The following STATH variants were observed in gnomAD, a reference collection of about 807,000 sequenced individuals.
STATH encodes the protein statherin.
A neutral mutation model predicts 13.3 loss-of-function variants in STATH; 11 were observed. The ratio of observed to expected loss-of-function variants is 0.83; its 90% CI spans 0.52 to 1.37. STATH has a LOEUF of 1.37. Among genes scored for constraint, STATH ranks in the 40% most tolerant of loss-of-function variants. The pLI, the probability that STATH is intolerant of heterozygous loss-of-function variation, is 0.00. For missense variants in STATH, 78 were observed against 73.3 expected, an observed-to-expected ratio of 1.06 and a Z score of -0.24; for synonymous variants, 25 against 23.6, an observed-to-expected ratio of 1.06 and a Z score of -0.17.
intron 1 of STATH, among the ~76,000 whole-genome samples, chr4:69,997,538 GTCTT>G (rs1364490432): frequency 6.6e-6 from 1 of 152,042 alleles, no homozygotes; most frequent in African/African-American, 2.4e-5. Flanking sequence ...CACTGAAAAT[GTCTT>G]TATTTAGATG....
Position 70,002,553 on chromosome 4 carries a change from T to C in STATH, c.*398T>C, listed in dbSNP as rs1724697385. On this transcript the variant is annotated 3_prime_UTR_variant, in exon 6 of 6. Coordinates refer to ENST00000246895, the MANE Select transcript of STATH (RefSeq NM_003154.3). ...GACTAGCACAGATTGAAGCCCATAA[T>C]GTCAGAGGTCCTTATTTATAATTTA... 6.6e-6 allele frequency: 1 copy of C among 151,738 alleles called. No individual in the cohort carries two copies. The highest frequency in any genetic ancestry group is 1.5e-5 in the Non-Finnish European group (1 of 67,760). The allele number at this position is 151,738 out of a possible 1,614,324, so 9.4% of individuals were successfully genotyped here. A position where few individuals can be genotyped will look rare whatever the true frequency, so the allele number is the denominator to read the frequency against.
chr4:70,000,786 C>A, intron 4 of STATH, 77 bp from the exon 5 acceptor site: 1 of 1,066,288 alleles, frequency 9.4e-7, no homozygotes, highest in Non-Finnish European at 1.4e-6. Context: ...CTTTAACAAT[C>A]TAAGCTTCTA....
rs1455354759 is a variant in STATH, at chr4:70,002,483, A to G, written c.*328A>G. 6.6e-6 allele frequency: 1 copy of G among 151,664 alleles called. No homozygotes were observed. The highest frequency in any genetic ancestry group is 1.5e-5 in the Non-Finnish European group (1 of 67,778). 9.4% of individuals were successfully genotyped at this position (151,664 alleles called of 1,614,324 possible). The stretch of plus-strand genomic sequence containing the variant: ...TATGCTCCTTATTTTTCTCTTTTCT[A>G]TTTATAGGAATAATGATTTCTTTCA... On this transcript the variant is annotated 3_prime_UTR_variant, in exon 6 of 6. Transcript: ENST00000246895.
intron 4 of STATH, 95 bp downstream of exon 4, chr4:69,999,904 G>A (rs17698678): frequency 0.27 from 374,628 of 1,410,272 alleles, 53,511 homozygotes; most frequent in South Asian, 0.35. Flanking sequence ...TCTCAAATAT[G>A]TGTAGTAGTT....
intron 1 of STATH, 84 bp downstream of exon 1, chr4:69,996,109 T>C (rs545175423): frequency 1.3e-5 from 2 of 152,298 alleles, no homozygotes; most frequent in Non-Finnish European, 2.9e-5. Context: ...ATTATAAAAA[T>C]GTGTATTTAT....
chr4:69,997,442 A>G (rs1384515814), intron 1 of STATH, among the ~76,000 whole-genome samples: 2 of 152,122 alleles, frequency 1.3e-5, no homozygotes, highest in Non-Finnish European at 2.9e-5. Flanking sequence ...AATGAAGACC[A>G]TTACCTTTAT....
At chr4:70,001,012 C>A in intron 5 of STATH, 30 bp downstream of exon 5, 1 of 1,458,046 alleles carries the variant, frequency 6.9e-7, no homozygotes, top group Non-Finnish European at 9.6e-7. Context: ...ATTTTTTTTA[C>A]TTTCTGTATC....
chr4:69,999,287 G>A (rs1578160851), intron 2 of STATH: 1 of 177,474 alleles, frequency 5.6e-6, no homozygotes, highest in Non-Finnish European at 1.2e-5. Flanking sequence ...AAGGAAAACA[G>A]AGAAAAACAT....
intron 1 of STATH, among the ~76,000 whole-genome samples, chr4:69,996,350 C>T (rs939728229): frequency 1.3e-5 from 2 of 152,136 alleles, no homozygotes. Context: ...ACTACTTTTA[C>T]CTTTATTCGA....
intron 1 of STATH, among the ~76,000 whole-genome samples, chr4:69,996,521 C>A (rs1724508102): frequency 6.6e-6 from 1 of 151,996 alleles, no homozygotes; most frequent in Non-Finnish European, 1.5e-5. Flanking sequence ...TGTCATTCTG[C>A]ATAATAAAAA....
In STATH at chr4:69,999,668, G is replaced by C; in HGVS notation, c.53G>C (p.Gly18Ala). 6.2e-7 allele frequency: 1 copy of C among 1,610,480 alleles called. No homozygotes were observed. The highest frequency in any genetic ancestry group is 8.5e-7 in the Non-Finnish European group (1 of 1,178,530). Residue 18 changes from glycine (G) to alanine (A), a missense_variant and splice_region_variant, in exon 3 of 6, where the codon GGA becomes GCA. Gly to Ala is a moderately conservative substitution (Grantham distance 60). Transcript: ENST00000246895. ...FILALMVSMI[G>A]ADSSEEKFLR... ...TTGTCTAATTTTCTGTTTTCTAAGGGAGCTGATTCATCTGAAGAGGTGAGT... is the reference window on the plus strand; with the variant it reads ...TTGTCTAATTTTCTGTTTTCTAAGGCAGCTGATTCATCTGAAGAGGTGAGT...
At chr4:70,001,679 A>G in intron 5 of STATH, among the ~76,000 whole-genome samples, 1 of 151,858 alleles carries the variant, frequency 6.6e-6, no homozygotes, top group East Asian at 1.9e-4. Flanking sequence ...ATTTCAAAAC[A>G]AAATAGAGCA....
At chr4:70,000,336 C>T (rs534991414) in intron 4 of STATH, 1 of 160,262 alleles carries the variant, frequency 6.2e-6, no homozygotes, top group Non-Finnish European at 1.4e-5. Context: ...GATCCCCTAA[C>T]TAATATAGTG....
intron 1 of STATH, among the ~76,000 whole-genome samples, chr4:69,996,782 CA>C (rs1052560528): frequency 6.6e-6 from 1 of 151,770 alleles, no homozygotes; most frequent in African/African-American, 2.4e-5. Flanking sequence ...TCCATACTTT[CA>C]ATAAAATTTA....
At chr4:69,999,605 G>C in intron 2 of STATH, 62 bp from the exon 3 acceptor site, 1 of 1,542,638 alleles carries the variant, frequency 6.5e-7, no homozygotes. Context: ...GTTCATTTTT[G>C]TACTCAATCT....
Position 70,001,000 on chromosome 4 carries a change from A to C in STATH, c.*33+18A>C. The C allele has an allele frequency of 6.5e-7, 1 of 1,543,194 alleles. No homozygotes were observed. Among genetic ancestry groups the C allele is most frequent in the Non-Finnish European group, 9.0e-7 (1 of 1,116,446 alleles). On this transcript the variant is annotated intron_variant, in intron 5 of 5. Coordinates refer to ENST00000246895, the MANE Select transcript of STATH (RefSeq NM_003154.3). ...TTATTGAGGTAAGATGGGTTTAGTG[A>C]CATTTTTTTTACTTTCTGTATCAGT...
In STATH at chr4:69,998,471, C is replaced by T; in HGVS notation, c.34C>T (p.Leu12Phe). 3.1e-6 allele frequency: 5 copies of T among 1,612,542 alleles called. No homozygotes were observed. The highest frequency in any genetic ancestry group is 4.2e-6 in the Non-Finnish European group (5 of 1,179,054). The change falls in exon 2 of 6, where the codon CTC (leucine) becomes TTC (phenylalanine). Residue 12 changes from leucine (L) to phenylalanine (F), a missense_variant. Leu to Phe is a conservative substitution (Grantham distance 22, BLOSUM62 0). Transcript: ENST00000246895. ...CCTTGTCTTTGCCTTCATCTTGGCTCTCATGGTTTCCATGATTGTAAGTAT... is the reference window on the plus strand; with the variant it reads ...CCTTGTCTTTGCCTTCATCTTGGCTTTCATGGTTTCCATGATTGTAAGTAT... ...KFLVFAFILALMVSMIGADSS... is the reference protein window; with the variant it reads ...KFLVFAFILAFMVSMIGADSS...
chr4:69,996,574 T>G (rs1724509241), intron 1 of STATH, among the ~76,000 whole-genome samples: 1 of 152,136 alleles, frequency 6.6e-6, no homozygotes, highest in African/African-American at 2.4e-5. Flanking sequence ...CTGTTTTATA[T>G]TACTTAAGTT....
intron 1 of STATH, among the ~76,000 whole-genome samples, chr4:69,996,927 C>CTTTTTTTTTTT (rs34282662): frequency 2.8e-5 from 3 of 107,588 alleles, no homozygotes; most frequent in Non-Finnish European, 5.4e-5. Flanking sequence ...CAGAAATTTC[C>CTTTTTTTTTTT]TTTTTTTTTT....
Sources: allele counts gnomAD v4.1 joint callset (sites outside exome capture counted in the v4.1 genomes callset), GRCh38; gene constraint gnomAD v4.1.1; transcripts MANE v1.5; gene names NCBI Gene and HGNC (gene_info 2026-07-23, HGNC 2026-07-21).